SATL1: variants seen among roughly 807,000 people sequenced by gnomAD.
SATL1 encodes the protein spermidine/spermine N1-acetyl transferase like 1.
A neutral mutation model predicts 51.8 loss-of-function variants in SATL1; 47 were observed. The observed-to-expected ratio is 0.91, with a 90% CI of 0.72 to 1.16. The LOEUF (loss-of-function observed/expected upper bound fraction) is 1.16, where lower values mean the gene tolerates loss of function less well. SATL1 is among the 50% of genes most tolerant of loss of function. SATL1 has a pLI of 0.00. For synonymous variants in SATL1, 176 were observed against 182.4 expected, an observed-to-expected ratio of 0.97 and a Z score of 0.28; for missense variants, 520 against 526.4, an observed-to-expected ratio of 0.99 and a Z score of 0.12.
intron 1 of SATL1, among the ~76,000 whole-genome samples, chrX:85,231,745 C>T (rs2048071764): frequency 8.9e-6 from 1 of 111,796 alleles, no homozygotes; most frequent in South Asian, 3.7e-4. Context: ...AATATTTAGA[C>T]CAGCTCTAGC....
chrX:85,152,767 T>C (rs1926485514), intron 2 of SATL1, among the ~76,000 whole-genome samples: 1 of 109,227 alleles, frequency 9.2e-6, no homozygotes, highest in Non-Finnish European at 1.9e-5. Flanking sequence ...AATTGAACAA[T>C]GAGAACACAT....
At chrX:85,202,421 G>C (rs909440710) in intron 2 of SATL1, among the ~76,000 whole-genome samples, 15 of 111,459 alleles carry the variant, frequency 1.3e-4, no homozygotes, top group African/African-American at 4.6e-4. Flanking sequence ...TGGCTTCCCT[G>C]TGTTTCCTCA....
rs992504220 is a variant in SATL1 at position 85,200,039 on chromosome X, G to A, written c.-313+24166C>T. 2.7e-5 allele frequency among the ~76,000 whole-genome samples: 3 copies of A among 111,817 alleles called. No homozygotes were observed. In the Admixed American group the frequency reaches 2.9e-4, roughly 11 times the overall value. On this transcript the variant is annotated intron_variant, in intron 2 of 7. Coordinates refer to ENST00000644105, the MANE Select transcript of SATL1 (RefSeq NM_001367857.2). ...CTGATGTGATTATTACACGTTGTATGCCTGTATCAAAATATATCACTTACC... is the reference window on the plus strand; with the variant it reads ...CTGATGTGATTATTACACGTTGTATACCTGTATCAAAATATATCACTTACC...
chrX:85,100,853 A>T (rs887772831), intron 4 of SATL1, among the ~76,000 whole-genome samples: 3 of 112,045 alleles, frequency 2.7e-5, no homozygotes, highest in Non-Finnish European at 5.6e-5. Flanking sequence ...ACAAAAGGAC[A>T]GACATATAGA....
intron 2 of SATL1, chrX:85,117,213 G>T (rs1299532575): frequency 9.0e-6 from 1 of 111,404 alleles, no homozygotes; most frequent in East Asian, 2.8e-4. Context: ...CATCTTCCAG[G>T]TGTACTTTAC....
intron 2 of SATL1, among the ~76,000 whole-genome samples, chrX:85,136,047 G>A (rs1273588252): frequency 9.0e-6 from 1 of 110,654 alleles, no homozygotes; most frequent in East Asian, 2.8e-4. Flanking sequence ...GTAGAAGTGA[G>A]GAGAGTTGGT....
chrX:85,138,666 C>T (rs185210022), intron 2 of SATL1, among the ~76,000 whole-genome samples: 16 of 111,127 alleles, frequency 1.4e-4, no homozygotes, highest in East Asian at 1.4e-3. Flanking sequence ...AGATTGGTAA[C>T]GAAAAAGTTT....
intron 2 of SATL1, among the ~76,000 whole-genome samples, chrX:85,149,105 A>G (rs752136795): frequency 2.0e-4 from 22 of 111,733 alleles, no homozygotes; most frequent in Non-Finnish European, 3.4e-4. Context: ...GGCTCAAAAT[A>G]AAAGGATGGA....
At chrX:85,175,766 G>T (rs939718380) in intron 2 of SATL1, among the ~76,000 whole-genome samples, 4 of 111,112 alleles carry the variant, frequency 3.6e-5, no homozygotes, top group Non-Finnish European at 7.6e-5. Context: ...GAATTTTATG[G>T]AGAAGACCAC....
intron 2 of SATL1, among the ~76,000 whole-genome samples, chrX:85,114,133 A>T (rs1925327829): frequency 8.9e-6 from 1 of 112,415 alleles, no homozygotes; most frequent in African/African-American, 3.2e-5. Context: ...ACTTATAAAA[A>T]TAACTGTATT....
intron 4 of SATL1, among the ~76,000 whole-genome samples, chrX:85,099,083 G>A (rs1007596869): frequency 9.0e-6 from 1 of 111,239 alleles, no homozygotes; most frequent in Non-Finnish European, 1.9e-5. Flanking sequence ...ATGAAAATAA[G>A]GACATTACTG....
At chrX:85,223,400 A>G (rs747873464) in intron 2 of SATL1, among the ~76,000 whole-genome samples, 15 of 111,542 alleles carry the variant, frequency 1.3e-4, no homozygotes, top group Middle Eastern at 4.6e-3. Context: ...CTCAAAAAAG[A>G]TATTAGTTAA....
intron 2 of SATL1, among the ~76,000 whole-genome samples, chrX:85,141,242 C>A (rs1291480454): frequency 1.8e-5 from 2 of 111,748 alleles, no homozygotes; most frequent in African/African-American, 6.5e-5. Context: ...CCACTCCTAG[C>A]TGCAAGACAG....
At chrX:85,215,795 C>T (rs963140677) in intron 2 of SATL1, among the ~76,000 whole-genome samples, 6 of 112,218 alleles carry the variant, frequency 5.3e-5, no homozygotes, top group South Asian at 3.7e-4. Flanking sequence ...ACAACCACAA[C>T]GAATCTCTAA....
intron 1 of SATL1, among the ~76,000 whole-genome samples, chrX:85,233,008 C>T (rs769685063): frequency 8.9e-6 from 1 of 112,315 alleles, no homozygotes; most frequent in South Asian, 3.7e-4. Context: ...AACCTATTGG[C>T]TTTAGGTTTG....
chrX:85,161,479 T>TAA (rs375382557), intron 2 of SATL1, among the ~76,000 whole-genome samples: 14 of 59,501 alleles, frequency 2.4e-4, no homozygotes, highest in East Asian at 2.1e-3. Flanking sequence ...GCCAAGCAAA[T>TAA]AAAAAAAAAA....
chrX:85,207,823 TG>T, intron 2 of SATL1: 1 of 123,281 alleles, frequency 8.1e-6, no homozygotes. Context: ...CTGGAGAACA[TG>T]GGGAGGCTCA....
rs374904774 is a variant in SATL1, at chrX:85,164,425, T to C, written c.-312-55145A>G. ...CTGCTTTTAGCAACTCTTGTAGTGCTGGCTTGGTAGTGGTGAATGCTCTTA... is the reference window on the plus strand; with the variant it reads ...CTGCTTTTAGCAACTCTTGTAGTGCCGGCTTGGTAGTGGTGAATGCTCTTA... On this transcript the variant is annotated intron_variant, in intron 2 of 7. Coordinates refer to ENST00000644105, the MANE Select transcript of SATL1 (RefSeq NM_001367857.2). Among the ~76,000 whole-genome samples the C allele has an allele frequency of 2.7e-5, 3 of 112,175 alleles. No individual in the cohort carries two copies. The East Asian group carries it at 8.4e-4, about 31-fold the overall frequency.
At chrX:85,144,333 C>T (rs957619768) in intron 2 of SATL1, among the ~76,000 whole-genome samples, 3 of 111,596 alleles carry the variant, frequency 2.7e-5, no homozygotes, top group African/African-American at 9.8e-5. Context: ...TCATATTTTA[C>T]ATTAGGAAAA....
Sources: allele counts gnomAD v4.1 joint callset (sites outside exome capture counted in the v4.1 genomes callset), GRCh38; gene constraint gnomAD v4.1.1; transcripts MANE v1.5; gene names NCBI Gene and HGNC (gene_info 2026-07-23, HGNC 2026-07-21).